AFAP1: variants seen among roughly 807,000 people sequenced by gnomAD.
AFAP1 encodes the protein actin filament associated protein 1, also known as actin filament-associated protein 1.
AFAP1 carries 75 observed loss-of-function variants against 93.9 expected under a neutral mutation model. The ratio of observed to expected loss-of-function variants is 0.80; its 90% CI spans 0.66 to 0.97. The LOEUF (loss-of-function observed/expected upper bound fraction) is 0.97. AFAP1 is among the 50% of genes least tolerant of loss of function. The pLI is 0.00. For missense variants in AFAP1, 1,201 were observed against 1,050.8 expected, an observed-to-expected ratio of 1.14 and a Z score of -1.98; for synonymous variants, 517 against 430.7, an observed-to-expected ratio of 1.20 and a Z score of -2.48.
At chr4:7,884,040 G>C (rs1192078373) in intron 1 of AFAP1, among the ~76,000 whole-genome samples, 1 of 152,162 alleles carries the variant, frequency 6.6e-6, no homozygotes, top group East Asian at 1.9e-4. Context: ...ATCCCTCATG[G>C]CTTGGTGCTG....
chr4:7,922,378 A>C (rs1180426461), intron 1 of AFAP1, among the ~76,000 whole-genome samples: 1 of 152,240 alleles, frequency 6.6e-6, no homozygotes, highest in African/African-American at 2.4e-5. Context: ...TCTAGCTTGG[A>C]TGTCAGAGCA....
At chr4:7,866,392 C>T (rs549248808) in intron 3 of AFAP1, among the ~76,000 whole-genome samples, 3 of 152,204 alleles carry the variant, frequency 2.0e-5, no homozygotes, top group Admixed American at 6.5e-5. Context: ...GATGGGGTTT[C>T]GCTATGTTGC....
In AFAP1 at chr4:7,768,927, C is replaced by T; in HGVS notation, c.2335G>A (p.Val779Met). The T allele has an allele frequency of 6.2e-7, 1 of 1,613,796 alleles. No homozygotes were observed. The highest frequency in any genetic ancestry group is 8.5e-7 in the Non-Finnish European group (1 of 1,179,862). The change falls in exon 17 of 18, where the codon GTG becomes ATG. Residue 779 changes from valine to methionine, a missense_variant. Val to Met is a conservative substitution (Grantham distance 21). Transcript: ENST00000420658. ...TTCTTCAAGACGGCCGCGCTGTTCA[C>T]CGGCACGGGGCCCTCGGTGTCACTG... ...DTSDTEGPVPVNSAAVLKKSQ... is the reference protein window; with the variant it reads ...DTSDTEGPVPMNSAAVLKKSQ...
chr4:7,778,518 A>C, intron 14 of AFAP1: 1 of 562,668 alleles, frequency 1.8e-6, no homozygotes, highest in Non-Finnish European at 3.2e-6. Context: ...TCCTATTTTA[A>C]AATGCTGAGT....
At position 7,881,381 on chromosome 4, in the gene AFAP1, A is replaced by G. The variant is rs549062571; in HGVS notation, c.-2-9301T>C. ...CTCCTCACCCCTCTGAATTCTGCCAATGCCAATGAGCACAGCTCACATCCC... is the reference window on the plus strand; with the variant it reads ...CTCCTCACCCCTCTGAATTCTGCCAGTGCCAATGAGCACAGCTCACATCCC... On this transcript the variant is annotated intron_variant, in intron 1 of 17. Coordinates refer to ENST00000420658, the MANE Select transcript of AFAP1 (RefSeq NM_001134647.2). Among the ~76,000 whole-genome samples the G allele has an allele frequency of 4.6e-5, 7 of 151,870 alleles. No homozygotes were observed. In the East Asian group the frequency reaches 1.4e-3, roughly 30 times the overall value.
At position 7,761,517 on chromosome 4, in the gene AFAP1, T is replaced by A. The variant is rs1180229611; in HGVS notation, c.*2248A>T. 1 of 152,286 alleles carries A rather than the reference T, an allele frequency of 6.6e-6. No homozygotes were observed. Among genetic ancestry groups the A allele is most frequent in the Non-Finnish European group, 1.5e-5 (1 of 68,068 alleles). 9.4% of individuals were successfully genotyped at this position (152,286 alleles called of 1,614,324 possible). A position where few individuals can be genotyped will look rare whatever the true frequency, so the allele number is the denominator to read the frequency against. On this transcript the variant is annotated 3_prime_UTR_variant, in exon 18 of 18. Transcript: ENST00000420658. The stretch of plus-strand genomic sequence containing the variant: ...GACGGCTAAGGCCCACGTGACACTT[T>A]GCGTGCTGCTCACACTTCACCTGCC...
chr4:7,861,427 G>A (rs73090514), intron 3 of AFAP1, among the ~76,000 whole-genome samples: 14,014 of 152,212 alleles, frequency 0.092, 1,221 homozygotes, highest in East Asian at 0.48. Context: ...TAAGAATTCT[G>A]AGTACATACT....
Position 7,844,533 on chromosome 4 carries a change from C to T in AFAP1, c.335-1183G>A, listed in dbSNP as rs998401712. 2.6e-5 allele frequency among the ~76,000 whole-genome samples: 4 copies of T among 152,174 alleles called. No homozygotes were observed. In the South Asian group the frequency reaches 8.3e-4, roughly 32 times the overall value. The stretch of plus-strand genomic sequence containing the variant: ...CCACACGGCCCAACACAGAGCGGAT[C>T]GCAGCACACCTCAACACTGGCCCCC... On this transcript the variant is annotated intron_variant, in intron 4 of 17. Transcript: ENST00000420658.
At chr4:7,858,208 G>A (rs1180660272) in intron 3 of AFAP1, among the ~76,000 whole-genome samples, 10 of 152,174 alleles carry the variant, frequency 6.6e-5, no homozygotes, top group Non-Finnish European at 1.3e-4. Flanking sequence ...AAAGGTGAGT[G>A]TTTGTGCTTA....
intron 1 of AFAP1, among the ~76,000 whole-genome samples, chr4:7,920,595 C>T (rs923147979): frequency 7.9e-5 from 12 of 152,102 alleles, no homozygotes; most frequent in Admixed American, 2.6e-4. Flanking sequence ...CAAAGTTATA[C>T]GGAAAATATA....
chr4:7,783,087 T>TA (rs1270000841), intron 12 of AFAP1, among the ~76,000 whole-genome samples: 1 of 152,148 alleles, frequency 6.6e-6, no homozygotes, highest in Admixed American at 6.5e-5. Flanking sequence ...GAACGTTGGG[T>TA]AAACATTACT....
chr4:7,786,423 G>T, intron 11 of AFAP1, 112 bp from the exon 12 acceptor site: 1 of 838,910 alleles, frequency 1.2e-6, no homozygotes, highest in South Asian at 1.6e-5. Context: ...GAGGTCACAG[G>T]GGCAGAGAAG....
chr4:7,886,631 T>C (rs1053825687), intron 1 of AFAP1, among the ~76,000 whole-genome samples: 2 of 152,188 alleles, frequency 1.3e-5, no homozygotes, highest in African/African-American at 4.8e-5. Context: ...AAAAGTCAGA[T>C]TAATTAATGG....
Position 7,763,725 on chromosome 4 carries a change from G to A in AFAP1, c.*40C>T. On this transcript the variant is annotated 3_prime_UTR_variant, in exon 18 of 18. Transcript: ENST00000420658. ...CACACAGATGAGGATACAGGCAAGGGGGTGTGCAGTCTCTGAGGCTGGAGT... is the reference window on the plus strand; with the variant it reads ...CACACAGATGAGGATACAGGCAAGGAGGTGTGCAGTCTCTGAGGCTGGAGT... 1 of 1,551,314 alleles carries A rather than the reference G, an allele frequency of 6.4e-7. No individual in the cohort carries two copies. The highest frequency in any genetic ancestry group is 8.7e-7 in the Non-Finnish European group (1 of 1,146,670).
chr4:7,873,242 C>CAAAAAAAAAAAAAA (rs1195209480), intron 1 of AFAP1, among the ~76,000 whole-genome samples: 6 of 64,126 alleles, frequency 9.4e-5, no homozygotes, highest in African/African-American at 4.0e-4. Context: ...GACTCTGTCT[C>CAAAAAAAAAAAAAA]AAAAAAAAAA....
intron 9 of AFAP1, among the ~76,000 whole-genome samples, chr4:7,801,756 T>C (rs1297535855): frequency 1.3e-5 from 2 of 151,810 alleles, no homozygotes; most frequent in African/African-American, 4.8e-5. Flanking sequence ...ACCTCAAAAA[T>C]GTTAAGAAAC....
chr4:7,879,857 G>C (rs1293412890), intron 1 of AFAP1, among the ~76,000 whole-genome samples: 1 of 151,966 alleles, frequency 6.6e-6, no homozygotes, highest in Non-Finnish European at 1.5e-5. Context: ...TGAAGAGACA[G>C]GGTCTCACTA....
chr4:7,812,605 G>C (rs1488980206), intron 8 of AFAP1, among the ~76,000 whole-genome samples: 3 of 152,040 alleles, frequency 2.0e-5, no homozygotes, highest in South Asian at 2.1e-4. Context: ...CACTCAGAAC[G>C]CTCAGCCCCC....
chr4:7,889,870 C>G (rs370134371), intron 1 of AFAP1, among the ~76,000 whole-genome samples: 5 of 151,340 alleles, frequency 3.3e-5, no homozygotes, highest in African/African-American at 9.7e-5. Context: ...CAGTCTATGT[C>G]TGGTGGGAGG....
Sources: gnomAD v4.1 joint callset for allele counts (sites outside exome capture counted in the v4.1 genomes callset) on GRCh38, gnomAD v4.1.1 for gene constraint, MANE v1.5 for transcripts, NCBI Gene and HGNC (gene_info 2026-07-23, HGNC 2026-07-21) for gene names.